Variants in RGL1 observed in about 807,000 individuals in gnomAD.
RGL1 encodes the protein ral guanine nucleotide dissociation stimulator like 1, also known as ral guanine nucleotide dissociation stimulator-like 1.
In RGL1, 24 loss-of-function variants were observed where a neutral mutation model predicts 95.2. The observed-to-expected ratio is 0.25, with a 90% confidence interval of 0.18 to 0.35. The LOEUF (loss-of-function observed/expected upper bound fraction) is 0.35, where lower values mean the gene tolerates loss of function less well. Among genes scored for constraint, RGL1 ranks in the 10% least tolerant of loss-of-function variants. The probability of loss-of-function intolerance (pLI) is 1.00; values close to 1 mark genes in which losing one functional copy is unlikely to be tolerated. For missense variants in RGL1, 715 were observed against 936.3 expected (o/e 0.76, Z 3.08); for synonymous variants, 329 against 344.9 (o/e 0.95, Z 0.51).
chr1:183,795,805 G>A (rs1363347154), intron 2 of RGL1, among the ~76,000 whole-genome samples: 3 of 152,198 alleles, frequency 2.0e-5, no homozygotes, highest in African/African-American at 4.8e-5. Flanking sequence ...TCTATGTTGT[G>A]TAGCGACTCA....
chr1:183,815,973 A>G (rs992070657), intron 2 of RGL1, among the ~76,000 whole-genome samples: 1 of 152,156 alleles, frequency 6.6e-6, no homozygotes, highest in Non-Finnish European at 1.5e-5. Context: ...AAGAAACAGT[A>G]TTAGCAAGGT....
chr1:183,918,989 A>T (rs914554908), intron 16 of RGL1, among the ~76,000 whole-genome samples: 6 of 152,228 alleles, frequency 3.9e-5, no homozygotes, highest in Non-Finnish European at 8.8e-5. Flanking sequence ...GCAGTTCTCA[A>T]ACTTTTTGTT....
chr1:183,830,540 C>G (rs1663189755), intron 2 of RGL1, among the ~76,000 whole-genome samples: 1 of 152,074 alleles, frequency 6.6e-6, no homozygotes, highest in Non-Finnish European at 1.5e-5. Flanking sequence ...TATTCCCACT[C>G]TCTGTTTTCG....
intron 13 of RGL1, 101 bp from the exon 14 acceptor site, chr1:183,906,911 A>G (rs896175067): frequency 2.7e-6 from 2 of 735,962 alleles, no homozygotes. Flanking sequence ...ACTTTGAACA[A>G]TTAGAGCCTT....
At chr1:183,908,941 A>G (rs1479981351) in intron 14 of RGL1, among the ~76,000 whole-genome samples, 1 of 152,030 alleles carries the variant, frequency 6.6e-6, no homozygotes, top group African/African-American at 2.4e-5. Context: ...GAGTTCTAAT[A>G]CCCCTGGATC....
chr1:183,905,257 C>T (rs891384237), intron 13 of RGL1, among the ~76,000 whole-genome samples: 6 of 152,112 alleles, frequency 3.9e-5, no homozygotes, highest in East Asian at 1.9e-4. Context: ...GTTTGTGAGG[C>T]GTAACTAAGA....
At chr1:183,776,594 A>C (rs185303873) in intron 2 of RGL1, among the ~76,000 whole-genome samples, 2 of 152,324 alleles carry the variant, frequency 1.3e-5, no homozygotes, top group Admixed American at 6.5e-5. Context: ...GTGATGTATA[A>C]ACTGGCAGGC....
intron 3 of RGL1, among the ~76,000 whole-genome samples, chr1:183,860,819 C>T (rs531975398): frequency 6.6e-6 from 1 of 152,168 alleles, no homozygotes; most frequent in African/African-American, 2.4e-5. Context: ...TTGTTTGCTG[C>T]TGTATCCTCA....
At chr1:183,733,219 A>G (rs532390480) in intron 1 of RGL1, among the ~76,000 whole-genome samples, 17 of 152,310 alleles carry the variant, frequency 1.1e-4, no homozygotes, top group Admixed American at 2.0e-4. Flanking sequence ...TTGAGTATAC[A>G]TGGATCGTGA....
intron 1 of RGL1, among the ~76,000 whole-genome samples, chr1:183,671,634 A>G (rs1295156684): frequency 6.6e-6 from 1 of 152,214 alleles, no homozygotes; most frequent in African/African-American, 2.4e-5. Context: ...TGCCCCATAA[A>G]TCTCCAAAGA....
intron 1 of RGL1, among the ~76,000 whole-genome samples, chr1:183,722,331 G>A (rs1301161759): frequency 1.3e-5 from 2 of 151,834 alleles, no homozygotes; most frequent in Non-Finnish European, 2.9e-5. Context: ...AAATAAGAGA[G>A]ACCTGGAGGC....
chr1:183,765,025 T>C (rs1429021370), intron 2 of RGL1, among the ~76,000 whole-genome samples: 1 of 152,166 alleles, frequency 6.6e-6, no homozygotes. Flanking sequence ...TCTACAGATA[T>C]TTACATGAAT....
intron 2 of RGL1, among the ~76,000 whole-genome samples, chr1:183,792,169 G>T (rs1034426798): frequency 4.5e-4 from 67 of 148,008 alleles, no homozygotes; most frequent in East Asian, 1.4e-3. Flanking sequence ...GTTTTGTGGG[G>T]TTTTTTTTTT....
intron 1 of RGL1, among the ~76,000 whole-genome samples, chr1:183,650,385 T>G (rs1480034036): frequency 6.6e-6 from 1 of 151,890 alleles, no homozygotes; most frequent in African/African-American, 2.4e-5. Context: ...CTACTAAAAA[T>G]GTAAAAAATT....
chr1:183,667,412 C>T (rs996646366), intron 1 of RGL1, among the ~76,000 whole-genome samples: 5 of 152,124 alleles, frequency 3.3e-5, no homozygotes, highest in Admixed American at 2.0e-4. Context: ...GCAACCTCTG[C>T]CTCCTAGGTT....
intron 2 of RGL1, among the ~76,000 whole-genome samples, chr1:183,808,789 TA>T (rs1226511526): frequency 6.6e-6 from 1 of 151,640 alleles, no homozygotes; most frequent in African/African-American, 2.4e-5. Context: ...ATGAGGAGAC[TA>T]ATGCCCAGAG....
intron 2 of RGL1, among the ~76,000 whole-genome samples, chr1:183,831,095 G>A (rs1373958135): frequency 1.3e-5 from 2 of 152,172 alleles, no homozygotes; most frequent in Non-Finnish European, 2.9e-5. Context: ...AAGTAAAGAA[G>A]TCAGTACTAT....
intron 1 of RGL1, among the ~76,000 whole-genome samples, chr1:183,678,740 A>G (rs547288302): frequency 3.6e-4 from 55 of 152,280 alleles, no homozygotes; most frequent in African/African-American, 1.2e-3. Context: ...GTTTGAAAGA[A>G]TGAGTCTATT....
intron 1 of RGL1, among the ~76,000 whole-genome samples, chr1:183,720,801 G>A (rs1655975508): frequency 6.6e-6 from 1 of 152,100 alleles, no homozygotes; most frequent in Admixed American, 6.5e-5. Flanking sequence ...TGGAAGCTGC[G>A]GCATAGGAAA....
Sources: gnomAD v4.1 joint callset for allele counts (sites outside exome capture counted in the v4.1 genomes callset) on GRCh38, gnomAD v4.1.1 for gene constraint, MANE v1.5 for transcripts, NCBI Gene and HGNC (gene_info 2026-07-23, HGNC 2026-07-21) for gene names.